Variants in NOS1 observed in about 807,000 individuals in gnomAD.
The protein encoded by NOS1 is nitric oxide synthase 1.
A neutral mutation model predicts 164.5 loss-of-function variants in NOS1; 51 were observed. That is an observed-to-expected ratio of 0.31 (90% CI 0.25 to 0.39). NOS1 has a LOEUF of 0.39. Ranked by LOEUF, NOS1 falls within the 10% of genes least tolerant of loss-of-function variation. The pLI is 1.00. For synonymous variants in NOS1, 719 were observed against 745.8 expected, an observed-to-expected ratio of 0.96 and a Z score of 0.59; for missense variants, 1,362 against 1,885.6, an observed-to-expected ratio of 0.72 and a Z score of 5.14.
At chr12:117,349,788 A>G (rs145056864) in intron 1 of NOS1, among the ~76,000 whole-genome samples, 1 of 152,218 alleles carries the variant, frequency 6.6e-6, no homozygotes, top group Non-Finnish European at 1.5e-5. Flanking sequence ...CAGTGGTGTG[A>G]TCATAGCTAA....
chr12:117,310,823 AT>A (rs9658305), intron 3 of NOS1, among the ~76,000 whole-genome samples: 29 of 150,946 alleles, frequency 1.9e-4, no homozygotes, highest in Non-Finnish European at 3.5e-4. Context: ...TTAAAAAAAA[AT>A]TTTTTTTTTA....
At chr12:117,225,990 G>A (rs9658505) in intron 24 of NOS1, among the ~76,000 whole-genome samples, 3,405 of 152,266 alleles carry the variant, frequency 0.022, 88 homozygotes, top group African/African-American at 0.067. Context: ...ACTTCAGTGT[G>A]TAAAAGAATC....
intron 9 of NOS1, among the ~76,000 whole-genome samples, chr12:117,276,855 T>C (rs1345328500): frequency 6.6e-6 from 1 of 152,230 alleles, no homozygotes; most frequent in African/African-American, 2.4e-5. Flanking sequence ...TGTGTATCTG[T>C]GCCACATTTT....
intron 1 of NOS1, among the ~76,000 whole-genome samples, chr12:117,337,484 C>T (rs141114628): frequency 4.7e-4 from 72 of 152,246 alleles, no homozygotes; most frequent in African/African-American, 1.7e-3. Context: ...ATTATATTGC[C>T]ATTGGGCAGC....
In NOS1 at chr12:117,330,702, G is replaced by A; in HGVS notation, c.368C>T (p.Thr123Ile). The A allele has an allele frequency of 6.2e-7, 1 of 1,613,840 alleles. No individual in the cohort carries two copies. The highest frequency in any genetic ancestry group is 8.5e-7 in the Non-Finnish European group (1 of 1,179,876). The stretch of plus-strand genomic sequence containing the variant: ...TTTGGTGGGGGGACCCAGGGGCTGT[G>A]TCACCCGGATGGTCTTGGGGGTCCC... The part of the protein sequence containing the change: ...GDGTPKTIRV[T>I]QPLGPPTKAV... The change falls in exon 2 of 29, where the codon ACA (threonine) becomes ATA (isoleucine). Residue 123 changes from threonine (T) to isoleucine (I), a missense_variant. Thr to Ile is a moderately conservative substitution (Grantham distance 89, BLOSUM62 -1). Coordinates refer to ENST00000317775, the MANE Select transcript of NOS1 (RefSeq NM_000620.5). The surrounding 1 kb of genome is among the most constrained non-coding windows in gnomAD (Gnocchi z 4.6).
chr12:117,298,983 C>T (rs1396792553), intron 3 of NOS1, among the ~76,000 whole-genome samples: 1 of 152,262 alleles, frequency 6.6e-6, no homozygotes. Context: ...GCAACCTGCC[C>T]TGTTTGGCTT....
At chr12:117,339,681 A>C (rs749218619) in intron 1 of NOS1, among the ~76,000 whole-genome samples, 1 of 152,234 alleles carries the variant, frequency 6.6e-6, no homozygotes, top group Non-Finnish European at 1.5e-5. Context: ...CATACAACGG[A>C]ATTCTGGGCA....
chr12:117,304,518 G>A (rs1005182250), intron 3 of NOS1, among the ~76,000 whole-genome samples: 2 of 152,208 alleles, frequency 1.3e-5, no homozygotes, highest in African/African-American at 4.8e-5. Context: ...GGGCAGGGAA[G>A]CCTGTGTTTG....
chr12:117,210,906 C>T lies in NOS1; in HGVS notation c.*4403G>A. The T allele has an allele frequency of 1.1e-5, 11 of 985,346 alleles. No homozygotes were observed. The highest frequency in any genetic ancestry group is 1.3e-5 in the Non-Finnish European group (11 of 829,882). 61.0% of individuals were successfully genotyped at this position (985,346 alleles called of 1,614,324 possible). A position where few individuals can be genotyped will look rare whatever the true frequency, so the allele number is the denominator to read the frequency against. ...AACTCATCTTTTCCCTGAGCCTGCT[C>T]TTCAGAGACCTCTCTCTCAGCTAGG... On this transcript the variant is annotated 3_prime_UTR_variant, in exon 29 of 29. Transcript: ENST00000317775.
intron 17 of NOS1, 25 bp from the exon 18 acceptor site, chr12:117,247,547 C>T: frequency 6.3e-7 from 1 of 1,596,284 alleles, no homozygotes; most frequent in Non-Finnish European, 8.5e-7. Flanking sequence ...ACAGAATGTT[C>T]ATGCTAAGGG....
intron 1 of NOS1, among the ~76,000 whole-genome samples, chr12:117,354,166 G>C (rs1204380392): frequency 6.6e-6 from 1 of 152,182 alleles, no homozygotes; most frequent in African/African-American, 2.4e-5. Context: ...TCTTGAAGAA[G>C]GGACCCTCAA....
In NOS1 at chr12:117,243,689, C is replaced by T. The variant is rs1318672138; in HGVS notation, c.2824-254G>A. 6.6e-6 allele frequency among the ~76,000 whole-genome samples: 1 copy of T among 151,598 alleles called. No individual in the cohort carries two copies. Among genetic ancestry groups the T allele is most frequent in the African/African-American group, 2.4e-5 (1 of 41,250 alleles). The stretch of plus-strand genomic sequence containing the variant: ...CCATTCACCCATCCACTCATCTACT[C>T]TTCCATTCATCTACCCTTCCACCCT... On this transcript the variant is annotated intron_variant, in intron 18 of 28. Coordinates refer to ENST00000317775, the MANE Select transcript of NOS1 (RefSeq NM_000620.5). This position sits in a 1 kb window ranked among gnomAD's most constrained non-coding sequence, Gnocchi z 4.3.
At chr12:117,257,264 T>G (rs1278148997) in intron 16 of NOS1, among the ~76,000 whole-genome samples, 1 of 151,782 alleles carries the variant, frequency 6.6e-6, no homozygotes, top group Non-Finnish European at 1.5e-5. Flanking sequence ...TTAATTTTTT[T>G]GTAGAGATGG....
intron 21 of NOS1, among the ~76,000 whole-genome samples, chr12:117,232,404 C>T (rs990027782): frequency 3.9e-5 from 6 of 152,284 alleles, no homozygotes; most frequent in African/African-American, 9.6e-5. Flanking sequence ...AGTCCACTGG[C>T]ATTCTATACA....
chr12:117,219,647 T>C (rs1956669183), intron 27 of NOS1, among the ~76,000 whole-genome samples: 7 of 152,006 alleles, frequency 4.6e-5, no homozygotes, highest in Admixed American at 4.6e-4. Flanking sequence ...TCCTGGGGAA[T>C]CTTTAAAAGT....
chr12:117,301,423 G>A (rs978479211), intron 3 of NOS1, among the ~76,000 whole-genome samples: 21 of 152,258 alleles, frequency 1.4e-4, no homozygotes, highest in African/African-American at 5.1e-4. Flanking sequence ...GCTACACCTG[G>A]CCTTCATTTC....
At chr12:117,321,538 G>A (rs907427588) in intron 2 of NOS1, among the ~76,000 whole-genome samples, 2 of 152,142 alleles carry the variant, frequency 1.3e-5, no homozygotes, top group Non-Finnish European at 2.9e-5. Context: ...CTGGCAAGAC[G>A]GCAGGGACAC....
In NOS1 at chr12:117,212,309, G is replaced by A. The variant is rs994710332; in HGVS notation, c.*3000C>T. 4.1e-6 allele frequency: 4 copies of A among 985,416 alleles called. No individual in the cohort carries two copies. The highest frequency in any genetic ancestry group is 4.8e-6 in the Non-Finnish European group (4 of 829,924). 61.0% of individuals were successfully genotyped at this position (985,416 alleles called of 1,614,324 possible). A position where few individuals can be genotyped will look rare whatever the true frequency, so the allele number is the denominator to read the frequency against. On this transcript the variant is annotated 3_prime_UTR_variant, in exon 29 of 29. Transcript: ENST00000317775. Reference sequence around the variant, plus strand: ...TAAAAGGTCAAGTGAGCCGCCCACAGCCATCTGCACCAACAGGGGCAGAAT... The same window carrying A: ...TAAAAGGTCAAGTGAGCCGCCCACAACCATCTGCACCAACAGGGGCAGAAT...
chr12:117,225,106 G>C lies in NOS1; in HGVS notation c.3736C>G (p.Gln1246Glu), dbSNP rs1868539332. ...APSFHLPRNP[Q>E]VPCILVGPGT... Reference sequence around the variant, plus strand: ...GGTCCAACGAGGATGCAGGGGACTTGGGGGTTCCGGGGCAGGTGGAAGCTG... The same window carrying C: ...GGTCCAACGAGGATGCAGGGGACTTCGGGGTTCCGGGGCAGGTGGAAGCTG... The change falls in exon 25 of 29, where the codon CAA (glutamine) becomes GAA (glutamate). Residue 1246 changes from glutamine to glutamate, a missense_variant. This residue lies in a region of NOS1 where 737 missense variants were observed against 1,030.3 expected (regional missense o/e 0.72). Coordinates refer to ENST00000317775, the MANE Select transcript of NOS1 (RefSeq NM_000620.5). 1.2e-6 allele frequency: 2 copies of C among 1,613,764 alleles called. No individual in the cohort carries two copies. The highest frequency in any genetic ancestry group is 8.5e-7 in the Non-Finnish European group (1 of 1,179,874).
Sources: gnomAD v4.1 joint callset for allele counts (sites outside exome capture counted in the v4.1 genomes callset) on GRCh38, gnomAD v4.1.1 for gene constraint, gnomAD v4.1.1 regional missense constraint, Gnocchi (gnomAD v3.1) non-coding constraint, MANE v1.5 for transcripts, NCBI Gene and HGNC (gene_info 2026-07-23, HGNC 2026-07-21) for gene names.